MAGI2: variants seen among roughly 807,000 people sequenced by gnomAD.
MAGI2 encodes the protein membrane associated guanylate kinase, WW and PDZ domain containing 2, also known as membrane-associated guanylate kinase, WW and PDZ domain-containing protein 2.
In MAGI2, 35 loss-of-function variants were observed where a neutral mutation model predicts 133.3. That is an observed-to-expected ratio of 0.26 (90% CI 0.20 to 0.35). MAGI2 has a LOEUF of 0.35. Among genes scored for constraint, MAGI2 ranks in the 10% least tolerant of loss-of-function variants. The pLI is 1.00. For missense variants in MAGI2, 1,636 were observed against 1,863.4 expected, an observed-to-expected ratio of 0.88 and a Z score of 2.25; for synonymous variants, 729 against 710.6, an observed-to-expected ratio of 1.03 and a Z score of -0.41.
chr7:79,255,395 GT>G (rs1269350053), intron 1 of MAGI2, among the ~76,000 whole-genome samples: 1 of 152,144 alleles, frequency 6.6e-6, no homozygotes, highest in Admixed American at 6.5e-5. Context: ...CGCATGAAGT[GT>G]AAGGTATTGT....
intron 6 of MAGI2, among the ~76,000 whole-genome samples, chr7:78,419,991 T>C (rs539576725): frequency 1.4e-4 from 21 of 152,310 alleles, no homozygotes; most frequent in Admixed American, 3.9e-4. Flanking sequence ...AGGATAGTAA[T>C]GCCAGAGGAC....
At chr7:78,655,609 G>A (rs2151025691) in intron 2 of MAGI2, among the ~76,000 whole-genome samples, 1 of 152,128 alleles carries the variant, frequency 6.6e-6, no homozygotes, top group South Asian at 2.1e-4. Flanking sequence ...CCCTTTCCAT[G>A]CACAGACTCC....
intron 21 of MAGI2, among the ~76,000 whole-genome samples, chr7:78,049,627 C>T (rs1027538381): frequency 1.3e-5 from 2 of 152,140 alleles, no homozygotes; most frequent in Admixed American, 1.3e-4. Context: ...GAACCCCTAA[C>T]AGCCTTTAAC....
chr7:78,882,667 A>G (rs190785358), intron 2 of MAGI2, among the ~76,000 whole-genome samples: 1 of 152,274 alleles, frequency 6.6e-6, no homozygotes, highest in Non-Finnish European at 1.5e-5. Flanking sequence ...ACCATGATCA[A>G]GTAGGCTTTA....
chr7:78,913,860 T>C (rs1168551948), intron 2 of MAGI2, among the ~76,000 whole-genome samples: 1 of 152,188 alleles, frequency 6.6e-6, no homozygotes, highest in Non-Finnish European at 1.5e-5. Flanking sequence ...TTATGCAAAG[T>C]CTATTTCTTA....
chr7:79,398,501 G>A (rs1042439352), intron 1 of MAGI2, among the ~76,000 whole-genome samples: 2 of 152,162 alleles, frequency 1.3e-5, no homozygotes, highest in African/African-American at 4.8e-5. Context: ...TGATTTCCTG[G>A]ATAAAAAGCA....
At chr7:78,893,424 G>T (rs1475823068) in intron 2 of MAGI2, among the ~76,000 whole-genome samples, 10 of 151,896 alleles carry the variant, frequency 6.6e-5, no homozygotes, top group Non-Finnish European at 1.0e-4. Context: ...TAAAGACACA[G>T]GCACACGTAT....
chr7:78,866,400 C>T (rs573082297), intron 2 of MAGI2, among the ~76,000 whole-genome samples: 3 of 151,822 alleles, frequency 2.0e-5, no homozygotes, highest in Admixed American at 6.6e-5. Context: ...CTGGACAAAT[C>T]AGGAAATATG....
At chr7:79,055,792 C>T (rs529744052) in intron 1 of MAGI2, among the ~76,000 whole-genome samples, 1 of 152,312 alleles carries the variant, frequency 6.6e-6, no homozygotes, top group Non-Finnish European at 1.5e-5. Context: ...ACGTCCACTA[C>T]ATATTCTTCT....
chr7:78,515,927 T>C (rs1023891419), intron 4 of MAGI2, among the ~76,000 whole-genome samples: 1 of 151,852 alleles, frequency 6.6e-6, no homozygotes, highest in African/African-American at 2.4e-5. Flanking sequence ...GTTCTAATAA[T>C]GTTTACAATA....
At chr7:78,292,283 C>T (rs1796797835) in intron 9 of MAGI2, among the ~76,000 whole-genome samples, 1 of 152,174 alleles carries the variant, frequency 6.6e-6, no homozygotes, top group African/African-American at 2.4e-5. Context: ...TTCTTATACA[C>T]CAATAACAGA....
intron 10 of MAGI2, among the ~76,000 whole-genome samples, chr7:78,234,532 T>C (rs1228891163): frequency 6.8e-6 from 1 of 147,032 alleles, no homozygotes; most frequent in Non-Finnish European, 1.5e-5. Context: ...GCACTTTTCG[T>C]TAGAATTTAT....
chr7:78,249,815 A>T (rs1792198788), intron 10 of MAGI2, among the ~76,000 whole-genome samples: 1 of 152,094 alleles, frequency 6.6e-6, no homozygotes, highest in African/African-American at 2.4e-5. Context: ...AGTTACCAAT[A>T]ATGTATAGTA....
chr7:78,148,322 T>A (rs1266074668), intron 16 of MAGI2, among the ~76,000 whole-genome samples: 1 of 152,146 alleles, frequency 6.6e-6, no homozygotes, highest in African/African-American at 2.4e-5. Context: ...TCCATTTATA[T>A]AGGAGAGGCA....
In MAGI2 at chr7:79,214,712, AATATAAAT is replaced by A. The variant is rs919392572; in HGVS notation, c.302-207514_302-207507del. Among the ~76,000 whole-genome samples the A allele has an allele frequency of 5.0e-4, 71 of 140,640 alleles. No individual in the cohort carries two copies. The East Asian group carries it at 6.5e-3, about 13-fold the overall frequency. The allele number at this position is 140,640 out of a possible 152,430, so 92.3% of individuals were successfully genotyped here. ...ATATATTTATACATAAATATACATAAATATAAATATATAAATATATAAATATAAATATA... is the reference window on the plus strand; with the variant it reads ...ATATATTTATACATAAATATACATAAATATAAATATATAAATATAAATATA... On this transcript the variant is annotated intron_variant, in intron 1 of 21. Transcript: ENST00000354212.
chr7:79,435,922 A>C (rs1057347208), intron 1 of MAGI2, among the ~76,000 whole-genome samples: 5 of 152,184 alleles, frequency 3.3e-5, no homozygotes, highest in Non-Finnish European at 7.3e-5. Flanking sequence ...AAAGACAGAC[A>C]CATAGACCAA....
chr7:78,686,980 C>A (rs1316759863), intron 2 of MAGI2, among the ~76,000 whole-genome samples: 1 of 152,188 alleles, frequency 6.6e-6, no homozygotes, highest in Non-Finnish European at 1.5e-5. Flanking sequence ...TTATATTATA[C>A]TGGAGACTGG....
intron 21 of MAGI2, among the ~76,000 whole-genome samples, chr7:78,068,378 G>T (rs1814074955): frequency 6.6e-6 from 1 of 152,172 alleles, no homozygotes; most frequent in Non-Finnish European, 1.5e-5. Context: ...CAGCCCAGGG[G>T]TTGGGGACCC....
At chr7:78,354,416 C>T (rs1791851176) in intron 7 of MAGI2, among the ~76,000 whole-genome samples, 1 of 152,126 alleles carries the variant, frequency 6.6e-6, no homozygotes, top group Non-Finnish European at 1.5e-5. Context: ...CAGAGAATTA[C>T]CAAGGACACT....
Sources: gnomAD v4.1 joint callset for allele counts (sites outside exome capture counted in the v4.1 genomes callset) on GRCh38, gnomAD v4.1.1 for gene constraint, MANE v1.5 for transcripts, NCBI Gene and HGNC (gene_info 2026-07-23, HGNC 2026-07-21) for gene names.